The following CA12 variants were observed in gnomAD, a reference collection of about 807,000 sequenced individuals.
CA12 encodes carbonic anhydrase 12.
Under a neutral mutation model 46.8 loss-of-function variants are expected in CA12, and 36 were observed. The ratio of observed to expected loss-of-function variants is 0.77; its 90% CI spans 0.59 to 1.02. CA12 has a LOEUF of 1.02. Ranked by LOEUF, CA12 falls within the 50% of genes least tolerant of loss-of-function variation. CA12 has a pLI of 0.00. For synonymous variants in CA12, 202 were observed against 187.0 expected, an observed-to-expected ratio of 1.08 and a Z score of -0.65; for missense variants, 436 against 451.4, an observed-to-expected ratio of 0.97 and a Z score of 0.31.
Position 63,340,954 on chromosome 15 carries a change from T to C in CA12, c.526-171A>G, listed in dbSNP as rs770776028. ...ACTAGGCTCTTGGGAGTTAGTGTAA[T>C]GGTCCTGCCTCTTGCATCTCAGGAC... On this transcript the variant is annotated intron_variant, in intron 5 of 10. Coordinates refer to ENST00000178638, the MANE Select transcript of CA12 (RefSeq NM_001218.5). The surrounding 1 kb of genome is among the most constrained non-coding windows in gnomAD (Gnocchi z 4.4). 1.3e-5 allele frequency among the ~76,000 whole-genome samples: 2 copies of C among 152,212 alleles called. No homozygotes were observed. Among genetic ancestry groups the C allele is most frequent in the South Asian group, 2.1e-4 (1 of 4,828 alleles).
chr15:63,323,482 C>T lies in CA12; in HGVS notation c.*2803G>A, dbSNP rs1369354709. ...TAACAGGGAGCTACAGAGTGCTTTG[C>T]AAATAGTAATGCTTTAACCTCGCCT... On this transcript the variant is annotated 3_prime_UTR_variant, in exon 11 of 11. Coordinates refer to ENST00000178638, the MANE Select transcript of CA12 (RefSeq NM_001218.5). The surrounding 1 kb of genome is among the most constrained non-coding windows in gnomAD (Gnocchi z 5.1). 2 of 149,432 alleles carry T rather than the reference C, an allele frequency of 1.3e-5. No individual in the cohort carries two copies. The highest frequency in any genetic ancestry group is 6.7e-5 in the Admixed American group (1 of 14,926). 9.3% of individuals were successfully genotyped at this position (149,432 alleles called of 1,614,324 possible). A position where few individuals can be genotyped will look rare whatever the true frequency, so the allele number is the denominator to read the frequency against.
At chr15:63,364,332 G>GAAAAAAAAAAAAAAAAAAAA (rs34673043) in intron 2 of CA12, among the ~76,000 whole-genome samples, 4 of 56,118 alleles carry the variant, frequency 7.1e-5, no homozygotes, top group Middle Eastern at 0.016. Flanking sequence ...CCCGTCACTA[G>GAAAAAAAAAAAAAAAAAAAA]AAAAAAAAAA....
chr15:63,326,074 C>A lies in CA12; in HGVS notation c.*211G>T. ...CAGCTTTGAATTCCTGCTGCTTGGT[C>A]TGAGAGTGCATCCCATCCATCGATC... is the stretch of plus-strand genomic sequence containing the variant. On this transcript the variant is annotated 3_prime_UTR_variant, in exon 11 of 11. Coordinates refer to ENST00000178638, the MANE Select transcript of CA12 (RefSeq NM_001218.5). 1 of 588,810 alleles carries A rather than the reference C, an allele frequency of 1.7e-6. No individual in the cohort carries two copies. The highest frequency in any genetic ancestry group is 2.9e-5 in the East Asian group (1 of 34,258). The allele number at this position is 588,810 out of a possible 1,614,324, so 36.5% of individuals were successfully genotyped here.
In CA12 at chr15:63,345,378, T is replaced by C; in HGVS notation, c.429+99A>G. ...TGGGGCAGAGAGCCTGAAGGCAGCC[T>C]GTCCCATGCTCTGGTGTTATCTGCA... On this transcript the variant is annotated intron_variant, in intron 4 of 10. Coordinates refer to ENST00000178638, the MANE Select transcript of CA12 (RefSeq NM_001218.5). This position sits in a 1 kb window ranked among gnomAD's most constrained non-coding sequence, Gnocchi z 4.3. The C allele has an allele frequency of 1.3e-6, 2 of 1,491,704 alleles. No homozygotes were observed. The highest frequency in any genetic ancestry group is 1.7e-4 in the Middle Eastern group (1 of 5,750). The allele number at this position is 1,491,704 out of a possible 1,614,324, so 92.4% of individuals were successfully genotyped here.
intron 2 of CA12, among the ~76,000 whole-genome samples, chr15:63,366,817 G>A (rs2039440170): frequency 6.6e-6 from 1 of 152,210 alleles, no homozygotes; most frequent in South Asian, 2.1e-4. Context: ...CTAGACTAAG[G>A]CTCTTTCTAG....
At chr15:63,371,575 G>A (rs1351154756) in intron 2 of CA12, among the ~76,000 whole-genome samples, 2 of 152,268 alleles carry the variant, frequency 1.3e-5, no homozygotes, top group Non-Finnish European at 2.9e-5. Flanking sequence ...GGCTGTGATA[G>A]GGGTTGGCGC....
intron 2 of CA12, among the ~76,000 whole-genome samples, chr15:63,359,456 G>A (rs2039331898): frequency 6.6e-6 from 1 of 151,808 alleles, no homozygotes; most frequent in South Asian, 2.1e-4. Flanking sequence ...TTGCACACTT[G>A]CTTTCTCTCA....
At chr15:63,351,048 G>T (rs1402371070) in intron 2 of CA12, among the ~76,000 whole-genome samples, 1 of 152,080 alleles carries the variant, frequency 6.6e-6, no homozygotes, top group African/African-American at 2.4e-5. Flanking sequence ...TTCCAAATAG[G>T]TCATAAATTT....
intron 2 of CA12, among the ~76,000 whole-genome samples, chr15:63,357,102 C>T: frequency 6.6e-6 from 1 of 152,154 alleles, no homozygotes; most frequent in East Asian, 1.9e-4. Context: ...ATTTTCACGG[C>T]ACCCTTTATG....
At chr15:63,364,269 C>G (rs1277111215) in intron 2 of CA12, among the ~76,000 whole-genome samples, 1 of 134,262 alleles carries the variant, frequency 7.4e-6, no homozygotes. Flanking sequence ...AGGTAGATCA[C>G]TTGAGCCCAG....
At chr15:63,369,703 A>G (rs1448816916) in intron 2 of CA12, among the ~76,000 whole-genome samples, 1 of 152,238 alleles carries the variant, frequency 6.6e-6, no homozygotes, top group Non-Finnish European at 1.5e-5. Flanking sequence ...ACCAAGGCTC[A>G]GAGAGGTCAT....
intron 1 of CA12, among the ~76,000 whole-genome samples, 163 bp from the exon 2 acceptor site, chr15:63,375,841 C>T (rs2039563788): frequency 6.7e-6 from 1 of 149,316 alleles, no homozygotes; most frequent in Admixed American, 6.7e-5. Context: ...TGGAGTATTG[C>T]TCTTGTTGCC....
At chr15:63,356,624 G>A (rs1467062343) in intron 2 of CA12, among the ~76,000 whole-genome samples, 2 of 151,234 alleles carry the variant, frequency 1.3e-5, no homozygotes, top group Admixed American at 6.6e-5. Flanking sequence ...CTGGGTTCAA[G>A]CGATTCTCGT....
rs140894523 is a variant in CA12, at chr15:63,351,951, G to GT, written c.107-5243dup. 2.6e-3 allele frequency among the ~76,000 whole-genome samples: 394 copies of GT among 152,290 alleles called. 9 individuals carry two copies. The East Asian group carries it at 0.061, about 23-fold the overall frequency. On this transcript the variant is annotated intron_variant, in intron 2 of 10. Coordinates refer to ENST00000178638, the MANE Select transcript of CA12 (RefSeq NM_001218.5). The stretch of plus-strand genomic sequence containing the variant: ...ACACATCCTTGAATGGATGTGGAGG[G>GT]TTTTTTTAAGCTCATTTCAGAAATT...
chr15:63,336,045 C>T (rs888090149), intron 8 of CA12, among the ~76,000 whole-genome samples: 1 of 152,190 alleles, frequency 6.6e-6, no homozygotes, highest in Non-Finnish European at 1.5e-5. Context: ...ACAGGTTTTC[C>T]TTGGACTGCC....
intron 2 of CA12, among the ~76,000 whole-genome samples, chr15:63,353,574 G>T (rs1188444570): frequency 1.3e-5 from 2 of 152,138 alleles, no homozygotes; most frequent in Admixed American, 1.3e-4. Context: ...TCTCTCTGGG[G>T]GTCATCCAAC....
At chr15:63,351,898 T>C (rs538077517) in intron 2 of CA12, among the ~76,000 whole-genome samples, 1 of 152,314 alleles carries the variant, frequency 6.6e-6, no homozygotes, top group Admixed American at 6.5e-5. Context: ...AGACCAGAAC[T>C]TTATGTCATA....
At chr15:63,381,464 G>A (rs1344894260) in intron 1 of CA12, among the ~76,000 whole-genome samples, 172 bp downstream of exon 1, 1 of 152,184 alleles carries the variant, frequency 6.6e-6, no homozygotes, top group Admixed American at 6.5e-5. Flanking sequence ...CGTGCTTCCC[G>A]ACCCAACCTC....
chr15:63,323,357 C>G lies in CA12; in HGVS notation c.*2928G>C, dbSNP rs2038819216. The G allele has an allele frequency of 6.6e-6, 1 of 152,206 alleles. No homozygotes were observed. The highest frequency in any genetic ancestry group is 6.5e-5 in the Admixed American group (1 of 15,284). The allele number at this position is 152,206 out of a possible 1,614,324, so 9.4% of individuals were successfully genotyped here. On this transcript the variant is annotated 3_prime_UTR_variant, in exon 11 of 11. Transcript: ENST00000178638. This position sits in a 1 kb window ranked among gnomAD's most constrained non-coding sequence, Gnocchi z 5.1. ...CACACATGCCATAGGCCTCCATCCT[C>G]AGGAAAGTGATTGAGTCTATCAGCT...
Sources: gnomAD v4.1 joint callset for allele counts (sites outside exome capture counted in the v4.1 genomes callset) on GRCh38, gnomAD v4.1.1 for gene constraint, Gnocchi (gnomAD v3.1) non-coding constraint, MANE v1.5 for transcripts, NCBI Gene and HGNC (gene_info 2026-07-23, HGNC 2026-07-21) for gene names.